Variants in EML6 observed in about 807,000 individuals in gnomAD.
EML6 encodes the protein echinoderm microtubule-associated protein-like 6.
EML6 carries 154 observed loss-of-function variants against 240.1 expected under a neutral mutation model. The observed-to-expected ratio is 0.64, with a 90% CI of 0.56 to 0.73. EML6 has a LOEUF of 0.73. Ranked by LOEUF, EML6 falls within the 30% of genes least tolerant of loss-of-function variation. EML6 has a pLI of 0.00. For synonymous variants in EML6, 1,148 were observed against 899.0 expected (o/e 1.28, Z -4.95); for missense variants, 2,964 against 2,474.6 (o/e 1.20, Z -4.20).
intron 2 of EML6, among the ~76,000 whole-genome samples, chr2:54,793,611 A>C (rs140868906): frequency 6.6e-6 from 1 of 152,148 alleles, no homozygotes; most frequent in African/African-American, 2.4e-5. Flanking sequence ...TTGCCTACCA[A>C]ATATCTATTC....
chr2:54,854,934 G>C (rs1670291601), intron 11 of EML6, among the ~76,000 whole-genome samples: 1 of 152,214 alleles, frequency 6.6e-6, no homozygotes, highest in Non-Finnish European at 1.5e-5. Context: ...ATTCAGAATT[G>C]AGAAGAAACA....
At chr2:54,727,732 A>G (rs913338275) in intron 2 of EML6, among the ~76,000 whole-genome samples, 1 of 152,240 alleles carries the variant, frequency 6.6e-6, no homozygotes, top group African/African-American at 2.4e-5. Flanking sequence ...AGCATAAGTA[A>G]TTGTCCACTT....
rs181554210 is a variant in EML6, at chr2:54,968,107, C to T, written c.5598-21C>T. Reference sequence around the variant, plus strand: ...TCGCCGTGACTTCCTTCTATCCTAACCCCTCTTTCTGTTGGAACAGCGTCC... The same window carrying T: ...TCGCCGTGACTTCCTTCTATCCTAATCCCTCTTTCTGTTGGAACAGCGTCC... On this transcript the variant is annotated intron_variant, in intron 39 of 41. Transcript: ENST00000356458. 7 of 1,550,134 alleles carry T rather than the reference C, an allele frequency of 4.5e-6. No individual in the cohort carries two copies. The African/African-American group carries it at 5.5e-5, about 12-fold the overall frequency.
At chr2:54,861,353 A>G (rs903341791) in intron 12 of EML6, among the ~76,000 whole-genome samples, 7 of 152,176 alleles carry the variant, frequency 4.6e-5, no homozygotes, top group Admixed American at 2.6e-4. Context: ...AAACCACAGA[A>G]AATGAAGAGG....
chr2:54,850,094 G>T lies in EML6; in HGVS notation c.1320G>T (p.Arg440Ser), dbSNP rs1165375411. The change falls in exon 10 of 42, where the codon AGG becomes AGT. Residue 440 changes from arginine to serine, a missense_variant. Arg to Ser is a moderately radical substitution (Grantham distance 110). Coordinates refer to ENST00000356458, the MANE Select transcript of EML6 (RefSeq NM_001039753.4). ...GPVDVYAVAQRYKKIGECSKS... is the reference protein window; with the variant it reads ...GPVDVYAVAQSYKKIGECSKS... The stretch of plus-strand genomic sequence containing the variant: ...TAGATGTCTATGCTGTTGCCCAGAG[G>T]TATAAGAAAATTGGAGAATGCAGCA... The T allele has an allele frequency of 1.3e-6, 2 of 1,552,098 alleles. No individual in the cohort carries two copies. Among genetic ancestry groups the T allele is most frequent in the Admixed American group, 2.0e-5 (1 of 51,012 alleles).
At chr2:54,917,170 C>T (rs1030910606) in intron 26 of EML6, among the ~76,000 whole-genome samples, 24 of 152,186 alleles carry the variant, frequency 1.6e-4, no homozygotes, top group African/African-American at 5.8e-4. Flanking sequence ...TCCAACATCT[C>T]ACAAACTGCA....
intron 7 of EML6, among the ~76,000 whole-genome samples, chr2:54,834,315 G>C (rs1258124279): frequency 1.3e-5 from 2 of 151,982 alleles, no homozygotes; most frequent in Non-Finnish European, 2.9e-5. Context: ...TTATGATCTG[G>C]GTAAAATAAT....
intron 24 of EML6, among the ~76,000 whole-genome samples, chr2:54,906,891 A>C (rs1673354784): frequency 6.6e-6 from 1 of 152,210 alleles, no homozygotes; most frequent in Non-Finnish European, 1.5e-5. Flanking sequence ...TGAGAGCAGA[A>C]TTTAGAAGCA....
Position 54,950,758 on chromosome 2 carries a change from A to G in EML6, c.4192A>G (p.Ile1398Val), listed in dbSNP as rs954037534. The G allele has an allele frequency of 3.2e-6, 5 of 1,551,468 alleles. No individual in the cohort carries two copies. Among genetic ancestry groups the G allele is most frequent in the Non-Finnish European group, 4.4e-6 (5 of 1,146,972 alleles). Residue 1398 changes from isoleucine (I) to valine (V), a missense_variant, in exon 30 of 42, where the codon ATC becomes GTC. By Grantham distance (29) the Ile-to-Val change is conservative. Transcript: ENST00000356458. ...DIIFHTAAAG[I>V]VQNLSTGSQS... Reference sequence around the variant, plus strand: ...CATCTTCCACACAGCAGCGGCTGGCATCGTTCAGAACCTCTCCACAGGTAA... The same window carrying G: ...CATCTTCCACACAGCAGCGGCTGGCGTCGTTCAGAACCTCTCCACAGGTAA...
rs1682824296 is a variant in EML6 at position 54,724,744 on chromosome 2, C to CCT, written c.-314_-313dup. The CCT allele has an allele frequency of 6.5e-6, 1 of 152,688 alleles. No individual in the cohort carries two copies. 9.5% of individuals were successfully genotyped at this position (152,688 alleles called of 1,614,324 possible). A position where few individuals can be genotyped will look rare whatever the true frequency, so the allele number is the denominator to read the frequency against. ...AAAGGCGGGGTGGCCCCCCCGAGAG[C>CCT]CTCTCCCGGGGGCCGGAGCCCGCAG... On this transcript the variant is annotated 5_prime_UTR_variant, in exon 2 of 42. The change abolishes the stop of an existing upstream ORF in the 5' untranslated region. Transcript: ENST00000356458. This position sits in a 1 kb window ranked among gnomAD's most constrained non-coding sequence, Gnocchi z 5.2.
intron 2 of EML6, among the ~76,000 whole-genome samples, chr2:54,755,160 C>G (rs1684343222): frequency 6.6e-6 from 1 of 152,190 alleles, no homozygotes; most frequent in East Asian, 1.9e-4. Flanking sequence ...ACCCATTGAA[C>G]TAGTGGCAAC....
intron 2 of EML6, among the ~76,000 whole-genome samples, chr2:54,785,338 G>C (rs1406175380): frequency 2.0e-5 from 3 of 151,920 alleles, no homozygotes; most frequent in African/African-American, 7.3e-5. Flanking sequence ...ACCACGCCTG[G>C]CTTATTTTTG....
chr2:54,808,490 T>C (rs546524801), intron 2 of EML6, among the ~76,000 whole-genome samples: 70 of 152,080 alleles, frequency 4.6e-4, no homozygotes, highest in African/African-American at 1.6e-3. Context: ...GGAGAAGGCT[T>C]TCATGCTTTC....
intron 21 of EML6, among the ~76,000 whole-genome samples, chr2:54,896,313 C>T (rs976472337): frequency 6.6e-6 from 1 of 152,220 alleles, no homozygotes; most frequent in Admixed American, 6.5e-5. Flanking sequence ...GCCAGATGCA[C>T]CTGTGCCCCT....
chr2:54,927,351 G>T (rs1330344638), intron 26 of EML6, among the ~76,000 whole-genome samples: 4 of 152,170 alleles, frequency 2.6e-5, no homozygotes, highest in African/African-American at 9.7e-5. Context: ...TCTCTAGCAT[G>T]CCAGTCCAAA....
At chr2:54,744,363 G>A (rs533867984) in intron 2 of EML6, among the ~76,000 whole-genome samples, 85 of 152,284 alleles carry the variant, frequency 5.6e-4, no homozygotes, top group South Asian at 4.3e-3. Flanking sequence ...AAGTGACCCC[G>A]AGGGATAAAT....
chr2:54,818,020 G>A (rs1043832264), intron 4 of EML6, among the ~76,000 whole-genome samples: 8 of 88,394 alleles, frequency 9.1e-5, no homozygotes, highest in Non-Finnish European at 2.2e-4. Flanking sequence ...GAGACTTCAC[G>A]GCATATATAT....
At chr2:54,802,348 G>A (rs2103977017) in intron 2 of EML6, among the ~76,000 whole-genome samples, 1 of 152,270 alleles carries the variant, frequency 6.6e-6, no homozygotes, top group South Asian at 2.1e-4. Flanking sequence ...TTAGTAGGCA[G>A]GGTGCAGTGA....
intron 2 of EML6, among the ~76,000 whole-genome samples, chr2:54,776,228 A>G (rs929010801): frequency 6.6e-6 from 1 of 152,096 alleles, no homozygotes; most frequent in African/African-American, 2.4e-5. Flanking sequence ...AGGAGGAGAA[A>G]GGGGCTTTAT....
Sources: allele counts gnomAD v4.1 joint callset (sites outside exome capture counted in the v4.1 genomes callset), GRCh38; gene constraint gnomAD v4.1.1; non-coding constraint Gnocchi (gnomAD v3.1); transcripts MANE v1.5; gene names NCBI Gene and HGNC (gene_info 2026-07-23, HGNC 2026-07-21).